The following GABRB1 variants were observed in gnomAD, a reference collection of about 807,000 sequenced individuals.
GABRB1 encodes the protein gamma-aminobutyric acid receptor subunit beta-1.
In GABRB1, 17 loss-of-function variants were observed where a neutral mutation model predicts 51.6. The observed-to-expected ratio is 0.33, with a 90% CI of 0.23 to 0.49. GABRB1 has a LOEUF of 0.49. Among genes scored for constraint, GABRB1 ranks in the 20% least tolerant of loss-of-function variants. The probability of loss-of-function intolerance (pLI) is 0.99; values close to 1 mark genes in which losing one functional copy is unlikely to be tolerated. For missense variants in GABRB1, 410 were observed against 600.6 expected (o/e 0.68, Z 3.32); for synonymous variants, 247 against 218.9 (o/e 1.13, Z -1.14).
chr4:47,339,206 GGT>G (rs1167573894), intron 5 of GABRB1, among the ~76,000 whole-genome samples: 1 of 152,186 alleles, frequency 6.6e-6, no homozygotes, highest in African/African-American at 2.4e-5. Context: ...AGAATTGAGA[GGT>G]ATGTGGTCTG....
intron 4 of GABRB1, among the ~76,000 whole-genome samples, chr4:47,256,236 T>C (rs1180840681): frequency 6.6e-6 from 1 of 152,258 alleles, no homozygotes; most frequent in Non-Finnish European, 1.5e-5. Context: ...ACTCATGGTC[T>C]GTAATAAACT....
intron 3 of GABRB1, among the ~76,000 whole-genome samples, chr4:47,099,119 CTCTT>C (rs1217101879): frequency 6.6e-6 from 1 of 152,066 alleles, no homozygotes; most frequent in Non-Finnish European, 1.5e-5. Context: ...GGTAAGGAAT[CTCTT>C]TCTTGGGTTT....
intron 1 of GABRB1, among the ~76,000 whole-genome samples, chr4:47,001,176 T>G (rs1724167543): frequency 6.6e-6 from 1 of 152,212 alleles, no homozygotes; most frequent in Non-Finnish European, 1.5e-5. Context: ...GGAGTCTCGC[T>G]CTGTCGCCCA....
intron 5 of GABRB1, among the ~76,000 whole-genome samples, chr4:47,357,787 C>G (rs764085991): frequency 1.3e-5 from 2 of 152,144 alleles, no homozygotes; most frequent in African/African-American, 2.4e-5. Flanking sequence ...GCTTTGTGGC[C>G]TCAGAGCCTG....
chr4:47,309,416 C>T (rs185378423), intron 4 of GABRB1, among the ~76,000 whole-genome samples: 36 of 152,180 alleles, frequency 2.4e-4, no homozygotes, highest in African/African-American at 7.9e-4. Flanking sequence ...CTGAAAATGA[C>T]TGCCTGGGAT....
chr4:47,149,992 C>T (rs185580030), intron 3 of GABRB1, among the ~76,000 whole-genome samples: 179 of 151,956 alleles, frequency 1.2e-3, no homozygotes, highest in Non-Finnish European at 2.3e-3. Flanking sequence ...GACTTTAAGG[C>T]CTTACTTGAG....
At chr4:47,335,464 T>C (rs1468571570) in intron 5 of GABRB1, among the ~76,000 whole-genome samples, 2 of 152,168 alleles carry the variant, frequency 1.3e-5, no homozygotes, top group Non-Finnish European at 2.9e-5. Context: ...CTCTCCCTGT[T>C]GTCCATCTGA....
chr4:47,112,938 G>A (rs1336454555), intron 3 of GABRB1, among the ~76,000 whole-genome samples: 1 of 151,924 alleles, frequency 6.6e-6, no homozygotes, highest in Non-Finnish European at 1.5e-5. Flanking sequence ...TCTCTTTATT[G>A]CCTTTCTTTA....
intron 5 of GABRB1, among the ~76,000 whole-genome samples, chr4:47,340,677 C>G (rs1246648731): frequency 6.6e-6 from 1 of 152,092 alleles, no homozygotes; most frequent in African/African-American, 2.4e-5. Flanking sequence ...AAGGCCCAAC[C>G]TCTTAATGTC....
intron 3 of GABRB1, among the ~76,000 whole-genome samples, chr4:47,128,257 C>T (rs536562806): frequency 2.6e-5 from 4 of 151,808 alleles, no homozygotes; most frequent in Admixed American, 6.6e-5. Flanking sequence ...GAAGAAAGAA[C>T]GTTAAGGCTT....
intron 3 of GABRB1, among the ~76,000 whole-genome samples, chr4:47,084,610 A>G (rs1727990121): frequency 1.3e-5 from 2 of 152,192 alleles, no homozygotes; most frequent in African/African-American, 4.8e-5. Flanking sequence ...TTGGCACAAA[A>G]TAGTTTTTGT....
intron 5 of GABRB1, among the ~76,000 whole-genome samples, chr4:47,334,752 C>T (rs948883270): frequency 1.3e-5 from 2 of 152,080 alleles, no homozygotes; most frequent in African/African-American, 2.4e-5. Context: ...ACAAGTTTTC[C>T]CGACTTTATT....
At chr4:47,168,906 A>G (rs527445490) in intron 4 of GABRB1, among the ~76,000 whole-genome samples, 3 of 152,178 alleles carry the variant, frequency 2.0e-5, no homozygotes, top group African/African-American at 7.2e-5. Flanking sequence ...ATAAATAGCC[A>G]TCTTCCCCCT....
intron 5 of GABRB1, among the ~76,000 whole-genome samples, chr4:47,373,279 G>T (rs1560356781): frequency 6.6e-6 from 1 of 152,012 alleles, no homozygotes; most frequent in African/African-American, 2.4e-5. Context: ...CTTTTTATTT[G>T]AGTTGGGGTG....
intron 4 of GABRB1, among the ~76,000 whole-genome samples, chr4:47,287,392 T>A (rs981461017): frequency 1.3e-5 from 2 of 152,246 alleles, no homozygotes; most frequent in Non-Finnish European, 2.9e-5. Context: ...ACTTCTTCTA[T>A]GACACCTGAT....
chr4:47,140,563 G>C (rs1057093518), intron 3 of GABRB1, among the ~76,000 whole-genome samples: 1 of 151,808 alleles, frequency 6.6e-6, no homozygotes, highest in Non-Finnish European at 1.5e-5. Flanking sequence ...ACAGTATCTT[G>C]GCAGTGACAT....
At chr4:47,325,276 G>T (rs538051069) in intron 5 of GABRB1, among the ~76,000 whole-genome samples, 1 of 152,006 alleles carries the variant, frequency 6.6e-6, no homozygotes, top group South Asian at 2.1e-4. Flanking sequence ...TTCTACTAAA[G>T]ATACAAAAAT....
At chr4:47,139,846 C>T (rs1380584937) in intron 3 of GABRB1, among the ~76,000 whole-genome samples, 1 of 151,912 alleles carries the variant, frequency 6.6e-6, no homozygotes, top group African/African-American at 2.4e-5. Flanking sequence ...TCCGACGTTA[C>T]GTTGATGTTG....
At chr4:47,098,147 TACAAACACACAC>T (rs1279679903) in intron 3 of GABRB1, among the ~76,000 whole-genome samples, 2 of 109,574 alleles carry the variant, frequency 1.8e-5, no homozygotes, top group Non-Finnish European at 3.7e-5. Context: ...TAGTTTTTAG[TACAAACACACAC>T]ACACACACAC....
Sources: allele counts gnomAD v4.1 joint callset (sites outside exome capture counted in the v4.1 genomes callset), GRCh38; gene constraint gnomAD v4.1.1; transcripts MANE v1.5; gene names NCBI Gene and HGNC (gene_info 2026-07-23, HGNC 2026-07-21).